Variants in JAKMIP2 observed in about 807,000 individuals in gnomAD.
The protein encoded by JAKMIP2 is janus kinase and microtubule interacting protein 2, also known as janus kinase and microtubule-interacting protein 2.
In JAKMIP2, 25 loss-of-function variants were observed where a neutral mutation model predicts 115.0. The observed-to-expected ratio is 0.22, with a 90% CI of 0.16 to 0.30. The LOEUF is 0.30. JAKMIP2 is among the 10% of genes least tolerant of loss of function. The pLI is 1.00. For missense variants in JAKMIP2, 642 were observed against 957.6 expected, an observed-to-expected ratio of 0.67 and a Z score of 4.35; for synonymous variants, 334 against 343.6, an observed-to-expected ratio of 0.97 and a Z score of 0.31.
intron 1 of JAKMIP2, among the ~76,000 whole-genome samples, chr5:147,729,100 A>C (rs1469941440): frequency 6.6e-6 from 1 of 152,214 alleles, no homozygotes; most frequent in Non-Finnish European, 1.5e-5. Flanking sequence ...AAGGGAAGGA[A>C]GAGGAGAGAA....
At chr5:147,721,126 C>T (rs1044255400) in intron 1 of JAKMIP2, among the ~76,000 whole-genome samples, 59 of 151,956 alleles carry the variant, frequency 3.9e-4, no homozygotes, top group Non-Finnish European at 4.1e-4. Flanking sequence ...TGTCAGTGTG[C>T]CCCTGCTGGG....
intron 1 of JAKMIP2, among the ~76,000 whole-genome samples, chr5:147,737,865 G>C (rs1753984141): frequency 6.6e-6 from 1 of 152,102 alleles, no homozygotes; most frequent in Non-Finnish European, 1.5e-5. Context: ...GATTTAAGAT[G>C]GTAAGTGTCT....
intron 7 of JAKMIP2, 106 bp from the exon 8 acceptor site, chr5:147,641,870 A>G (rs1162494013): frequency 1.1e-6 from 1 of 881,452 alleles, no homozygotes; most frequent in African/African-American, 1.7e-5. Context: ...TATTTGGAAT[A>G]GAATAAGACT....
At chr5:147,756,210 G>A (rs146139099) in intron 1 of JAKMIP2, among the ~76,000 whole-genome samples, 6 of 152,198 alleles carry the variant, frequency 3.9e-5, no homozygotes, top group Non-Finnish European at 8.8e-5. Flanking sequence ...GATTCATGTC[G>A]TGACTGAAGC....
chr5:147,659,180 C>T (rs1349262811), intron 3 of JAKMIP2, among the ~76,000 whole-genome samples: 3 of 151,930 alleles, frequency 2.0e-5, no homozygotes, highest in Admixed American at 2.0e-4. Flanking sequence ...GTGGTGTAGG[C>T]TCATGAGGGA....
intron 1 of JAKMIP2, among the ~76,000 whole-genome samples, chr5:147,734,488 C>T (rs1213996719): frequency 9.2e-5 from 7 of 76,402 alleles, no homozygotes; most frequent in African/African-American, 3.3e-4. Context: ...CATCACACAA[C>T]GGGGCCTGTT....
intron 1 of JAKMIP2, among the ~76,000 whole-genome samples, chr5:147,715,404 T>A (rs1480600695): frequency 6.6e-6 from 1 of 151,492 alleles, no homozygotes; most frequent in Non-Finnish European, 1.5e-5. Flanking sequence ...CAAAATTCTA[T>A]GTTCCCTAAA....
chr5:147,667,457 T>C (rs1759358785), intron 2 of JAKMIP2, among the ~76,000 whole-genome samples: 1 of 152,188 alleles, frequency 6.6e-6, no homozygotes, highest in Non-Finnish European at 1.5e-5. Context: ...TCAAAAGTGA[T>C]CTTAGAAATG....
Position 147,666,874 on chromosome 5 carries a change from T to C in JAKMIP2, c.129+4804A>G, listed in dbSNP as rs145560817. Among the ~76,000 whole-genome samples, 87 of 152,208 alleles carry C rather than the reference T, an allele frequency of 5.7e-4. No individual in the cohort carries two copies. The East Asian group carries it at 0.016, about 27-fold the overall frequency. ...TAGAAAAGCTGGAACACATTAGAGA[T>C]TAATAACTATTAATACATGGTGGAT... On this transcript the variant is annotated intron_variant, in intron 2 of 21. Transcript: ENST00000616793.
At chr5:147,654,420 G>T (rs1196176508) in intron 3 of JAKMIP2, among the ~76,000 whole-genome samples, 1 of 151,986 alleles carries the variant, frequency 6.6e-6, no homozygotes, top group African/African-American at 2.4e-5. Flanking sequence ...CCTTGAAGAG[G>T]TCCCTAATGT....
chr5:147,587,669 T>C lies in JAKMIP2; in HGVS notation c.*4038A>G, dbSNP rs1157197990. 2.0e-5 allele frequency: 3 copies of C among 152,144 alleles called. No individual in the cohort carries two copies. The highest frequency in any genetic ancestry group is 2.0e-4 in the Admixed American group (3 of 15,260). The allele number at this position is 152,144 out of a possible 1,614,324, so 9.4% of individuals were successfully genotyped here. ...TTTGAAACAATGAACTTGTGAATTA[T>C]GTTAAAGCAAACATAAGAATTACAC... On this transcript the variant is annotated 3_prime_UTR_variant, in exon 22 of 22. Coordinates refer to ENST00000616793, the MANE Select transcript of JAKMIP2 (RefSeq NM_001270941.2).
At chr5:147,638,446 T>C (rs1757724084) in intron 10 of JAKMIP2, among the ~76,000 whole-genome samples, 1 of 152,206 alleles carries the variant, frequency 6.6e-6, no homozygotes, top group Non-Finnish European at 1.5e-5. Flanking sequence ...TAACCACAAA[T>C]ATTATAGCAC....
intron 1 of JAKMIP2, among the ~76,000 whole-genome samples, chr5:147,720,734 C>T (rs1364592635): frequency 3.3e-5 from 5 of 149,536 alleles, no homozygotes; most frequent in African/African-American, 9.7e-5. Flanking sequence ...ATTGGTTATT[C>T]TAGTTATACA....
chr5:147,687,097 A>T (rs1244980916), intron 1 of JAKMIP2, among the ~76,000 whole-genome samples: 1 of 152,182 alleles, frequency 6.6e-6, no homozygotes, highest in Non-Finnish European at 1.5e-5. Context: ...ACTTGTAAAG[A>T]TAATTACTGT....
intron 20 of JAKMIP2, among the ~76,000 whole-genome samples, chr5:147,605,061 T>C (rs992774680): frequency 1.3e-5 from 2 of 151,628 alleles, no homozygotes; most frequent in Non-Finnish European, 2.9e-5. Flanking sequence ...CACTTATGAG[T>C]GAGAACATGC....
intron 10 of JAKMIP2, 40 bp from the exon 11 acceptor site, chr5:147,637,088 G>T: frequency 2.3e-6 from 2 of 866,898 alleles, no homozygotes; most frequent in Admixed American, 3.4e-5. Flanking sequence ...AAGTAAAATG[G>T]TTATTCAATA....
At chr5:147,724,334 T>A (rs533977373) in intron 1 of JAKMIP2, among the ~76,000 whole-genome samples, 5 of 152,314 alleles carry the variant, frequency 3.3e-5, no homozygotes, top group African/African-American at 9.6e-5. Flanking sequence ...ATTTTTGTTG[T>A]CTTGCTCTTA....
At chr5:147,706,351 C>G (rs1295345638) in intron 1 of JAKMIP2, among the ~76,000 whole-genome samples, 1 of 152,084 alleles carries the variant, frequency 6.6e-6, no homozygotes, top group Non-Finnish European at 1.5e-5. Context: ...GCTTTTCAGT[C>G]AAGGCTGGCA....
chr5:147,757,790 C>T (rs1232877031), intron 1 of JAKMIP2, among the ~76,000 whole-genome samples: 1 of 152,046 alleles, frequency 6.6e-6, no homozygotes, highest in Non-Finnish European at 1.5e-5. Flanking sequence ...TGCAGTTGCA[C>T]CTGAGGCTCC....
Sources: allele counts gnomAD v4.1 joint callset (sites outside exome capture counted in the v4.1 genomes callset), GRCh38; gene constraint gnomAD v4.1.1; transcripts MANE v1.5; gene names NCBI Gene and HGNC (gene_info 2026-07-23, HGNC 2026-07-21).